REM2: variants seen among roughly 807,000 people sequenced by gnomAD.
REM2 encodes the protein GTP-binding protein REM 2.
A neutral mutation model predicts 24.4 loss-of-function variants in REM2; 24 were observed. That is an observed-to-expected ratio of 0.98 (90% confidence interval 0.71 to 1.38). The LOEUF (loss-of-function observed/expected upper bound fraction) is 1.38. Among genes scored for constraint, REM2 ranks in the 40% most tolerant of loss-of-function variants. REM2 has a pLI of 0.00. For missense variants in REM2, 429 were observed against 467.8 expected, an observed-to-expected ratio of 0.92 and a Z score of 0.77; for synonymous variants, 187 against 198.0, an observed-to-expected ratio of 0.94 and a Z score of 0.47.
At chr14:22,883,740 CG>C (rs2040091429) in intron 1 of REM2, among the ~76,000 whole-genome samples, 1 of 152,086 alleles carries the variant, frequency 6.6e-6, no homozygotes, top group Non-Finnish European at 1.5e-5. Flanking sequence ...GGGGCTACCC[CG>C]GGGAACTATT....
At chr14:22,884,137 G>A in intron 1 of REM2, 1 of 985,158 alleles carries the variant, frequency 1.0e-6, no homozygotes, top group Non-Finnish European at 1.2e-6. Flanking sequence ...AAAAGCAAAG[G>A]CCCTTTCCTA....
At position 22,883,238 on chromosome 14, in the gene REM2, G is replaced by A. The variant is rs761218059; in HGVS notation, c.-50G>A. On this transcript the variant is annotated 5_prime_UTR_variant, in exon 1 of 5. Coordinates refer to ENST00000267396, the MANE Select transcript of REM2 (RefSeq NM_173527.3). Reference sequence around the variant, plus strand: ...AGTGCTGCTGAGTGAGGGAGAGGGTGCTGCGAGCTGCTGGGCTGCACACGC... The same window carrying A: ...AGTGCTGCTGAGTGAGGGAGAGGGTACTGCGAGCTGCTGGGCTGCACACGC... 1 of 963,686 alleles carries A rather than the reference G, an allele frequency of 1.0e-6. No individual in the cohort carries two copies. The highest frequency in any genetic ancestry group is 1.4e-5 in the South Asian group (1 of 72,188). The allele number at this position is 963,686 out of a possible 1,614,324, so 59.7% of individuals were successfully genotyped here.
chr14:22,886,358 G>A lies in REM2; in HGVS notation c.727+127G>A, dbSNP rs1185632040. 3.4e-6 allele frequency: 3 copies of A among 890,280 alleles called. No homozygotes were observed. The highest frequency in any genetic ancestry group is 5.3e-6 in the Non-Finnish European group (3 of 563,776). 55.1% of individuals were successfully genotyped at this position (890,280 alleles called of 1,614,324 possible). A position where few individuals can be genotyped will look rare whatever the true frequency, so the allele number is the denominator to read the frequency against. On this transcript the variant is annotated intron_variant, in intron 4 of 4. Transcript: ENST00000267396. The surrounding 1 kb of genome is among the most constrained non-coding windows in gnomAD (Gnocchi z 5.9). ...TCACTTGCAATCAGACCCAGGCTAG[G>A]GGGACACTCCCAATGCCCCACTCGA... is the stretch of plus-strand genomic sequence containing the variant.
rs1245900424 is a variant in REM2, at chr14:22,887,615, G to A, written c.*706G>A. 6.6e-6 allele frequency: 1 copy of A among 152,214 alleles called. No individual in the cohort carries two copies. Among genetic ancestry groups the A allele is most frequent in the African/African-American group, 2.4e-5 (1 of 41,468 alleles). The allele number at this position is 152,214 out of a possible 1,614,324, so 9.4% of individuals were successfully genotyped here. A position where few individuals can be genotyped will look rare whatever the true frequency, so the allele number is the denominator to read the frequency against. On this transcript the variant is annotated 3_prime_UTR_variant, in exon 5 of 5. Transcript: ENST00000267396. ...GAGCAGTGGCAACCCCTTTTGGCCA[G>A]GGCCAGGGGGGCACCAGCAAGGGGC...
intron 3 of REM2, among the ~76,000 whole-genome samples, chr14:22,885,691 G>T (rs375558215): frequency 6.6e-6 from 1 of 152,150 alleles, no homozygotes; most frequent in African/African-American, 2.4e-5. Flanking sequence ...GAATATCAGG[G>T]AAGGGGGAAA....
chr14:22,884,279 GC>G, intron 1 of REM2: 1 of 985,408 alleles, frequency 1.0e-6, no homozygotes, highest in Non-Finnish European at 1.2e-6. Context: ...AGGAGGAAGG[GC>G]CTCTTGATGG....
intron 1 of REM2, chr14:22,884,361 G>A: frequency 1.0e-6 from 1 of 985,458 alleles, no homozygotes; most frequent in South Asian, 4.7e-5. Context: ...CTGGGGGTTT[G>A]CCTGTGTATC....
In REM2 at chr14:22,887,155, T is replaced by G. The variant is rs1457750640; in HGVS notation, c.*246T>G. ...CGCCTAGAAGGCGAGGACGCAGACC[T>G]GAAGGCGGCCGGTGAGCGGGGCGGG... On this transcript the variant is annotated 3_prime_UTR_variant, in exon 5 of 5. Transcript: ENST00000267396. The G allele has an allele frequency of 7.6e-6, 3 of 394,722 alleles. No individual in the cohort carries two copies. In the Admixed American group the frequency reaches 1.3e-4, roughly 18 times the overall value. The allele number at this position is 394,722 out of a possible 1,614,324, so 24.5% of individuals were successfully genotyped here. A position where few individuals can be genotyped will look rare whatever the true frequency, so the allele number is the denominator to read the frequency against.
At chr14:22,885,071 G>C in intron 2 of REM2, 56 bp downstream of exon 2, 1 of 1,496,218 alleles carries the variant, frequency 6.7e-7, no homozygotes, top group East Asian at 2.3e-5. Flanking sequence ...GGTCAGGGAA[G>C]GAAGTGCTCG....
In REM2 at chr14:22,886,278, T is replaced by A. The variant is rs1014073903; in HGVS notation, c.727+47T>A. ...CATACTTGCGATCTCAGGGGAATGCTCTCCCTTCCAAGTCACCTCTTCTCC... is the reference window on the plus strand; with the variant it reads ...CATACTTGCGATCTCAGGGGAATGCACTCCCTTCCAAGTCACCTCTTCTCC... On this transcript the variant is annotated intron_variant, in intron 4 of 4. Coordinates refer to ENST00000267396, the MANE Select transcript of REM2 (RefSeq NM_173527.3). This position sits in a 1 kb window ranked among gnomAD's most constrained non-coding sequence, Gnocchi z 5.9. 2 of 1,518,422 alleles carry A rather than the reference T, an allele frequency of 1.3e-6. No homozygotes were observed. Among genetic ancestry groups the A allele is most frequent in the Non-Finnish European group, 1.8e-6 (2 of 1,110,688 alleles). 94.1% of individuals were successfully genotyped at this position (1,518,422 alleles called of 1,614,324 possible).
intron 1 of REM2, chr14:22,884,201 TG>T: frequency 1.0e-6 from 1 of 985,396 alleles, no homozygotes; most frequent in Non-Finnish European, 1.2e-6. Flanking sequence ...CCCCAGACAC[TG>T]GGCAGCAGTT....
Position 22,886,801 on chromosome 14 carries a change from C to T in REM2, c.915C>T (p.Arg305=). 1.9e-6 allele frequency: 3 copies of T among 1,549,038 alleles called. No individual in the cohort carries two copies. Among genetic ancestry groups the T allele is most frequent in the South Asian group, 2.4e-5 (2 of 83,914 alleles). ...SPEGPAPPAR[R]ESLTKKAKRF... is the part of the protein sequence containing the mutation. ...AGGGCCCTGCGCCACCTGCACGCCG[C>T]GAGAGCCTCACCAAGAAAGCCAAGA... is the stretch of plus-strand genomic sequence containing the variant. Residue 305 remains arginine, a synonymous_variant, in exon 5 of 5, where the codon CGC becomes CGT. Transcript: ENST00000267396. The surrounding 1 kb of genome is among the most constrained non-coding windows in gnomAD (Gnocchi z 5.9).
chr14:22,883,599 C>T (rs1331323495), intron 1 of REM2, among the ~76,000 whole-genome samples: 1 of 152,114 alleles, frequency 6.6e-6, no homozygotes, highest in African/African-American at 2.4e-5. Context: ...TGCCCCCTCC[C>T]CCAGCACTCC....
At chr14:22,885,915 AGCAGG>A in intron 3 of REM2, 104 bp from the exon 4 acceptor site, 1 of 820,716 alleles carries the variant, frequency 1.2e-6, no homozygotes. Context: ...TGCTGTCCTA[AGCAGG>A]TGGCTTCTTT....
rs965656400 is a variant in REM2, at chr14:22,883,357, C to T, written c.70C>T (p.Arg24Cys). 16 of 1,557,424 alleles carry T rather than the reference C, an allele frequency of 1.0e-5. No individual in the cohort carries two copies. Among genetic ancestry groups the T allele is most frequent in the Middle Eastern group, 1.7e-4 (1 of 6,016 alleles). The change falls in exon 1 of 5, where the codon CGC (arginine) becomes TGC (cysteine). Residue 24 changes from arginine (R) to cysteine (C), a missense_variant. Transcript: ENST00000267396. ...CACAGCACTCTGCCCCTCTGGCAGC[C>T]GCCGGGCCTCCCCTCCAGGGACGCC... Reference protein sequence around the residue: ...ETTALCPSGSRRASPPGTPTP... With the variant: ...ETTALCPSGSCRASPPGTPTP...
chr14:22,884,208 C>G, intron 1 of REM2: 1 of 985,422 alleles, frequency 1.0e-6, no homozygotes, highest in Non-Finnish European at 1.2e-6. Context: ...CACTGGGCAG[C>G]AGTTTCAGCT....
Position 22,884,870 on chromosome 14 carries a change from C to T in REM2, c.300C>T (p.Ser100=). 6.2e-7 allele frequency: 1 copy of T among 1,613,884 alleles called. No individual in the cohort carries two copies. Among genetic ancestry groups the T allele is most frequent in the South Asian group, 1.1e-5 (1 of 91,080 alleles). The change falls in exon 2 of 5, where the codon TCC becomes TCT. Residue 100 remains serine (S), a synonymous_variant. Coordinates refer to ENST00000267396, the MANE Select transcript of REM2 (RefSeq NM_173527.3). ...CCTCATCCTCTGGCTCGTCTGACTCCTTGGGCTCAGGGGAGGCAGCCCCTG... is the reference window on the plus strand; with the variant it reads ...CCTCATCCTCTGGCTCGTCTGACTCTTTGGGCTCAGGGGAGGCAGCCCCTG... The part of the protein sequence containing the change: ...PQASSSGSSD[S]LGSGEAAPAQ...
Position 22,886,960 on chromosome 14 carries a change from T to C in REM2, c.*51T>C. 7.7e-7 allele frequency: 1 copy of C among 1,290,476 alleles called. No individual in the cohort carries two copies. Among genetic ancestry groups the C allele is most frequent in the Non-Finnish European group, 1.0e-6 (1 of 986,974 alleles). The allele number at this position is 1,290,476 out of a possible 1,614,324, so 79.9% of individuals were successfully genotyped here. On this transcript the variant is annotated 3_prime_UTR_variant, in exon 5 of 5. Coordinates refer to ENST00000267396, the MANE Select transcript of REM2 (RefSeq NM_173527.3). This position sits in a 1 kb window ranked among gnomAD's most constrained non-coding sequence, Gnocchi z 5.9. ...TCGCCATGGTCACCGCGCCCTCCGC[T>C]CGCCCCCCCTCGCCCCGCCCCGCCC...
intron 1 of REM2, chr14:22,884,356 G>T (rs2040099841): frequency 3.0e-6 from 3 of 985,338 alleles, no homozygotes; most frequent in Admixed American, 6.1e-5. Flanking sequence ...CTAGTCTGGG[G>T]GTTTGCCTGT....
Sources: gnomAD v4.1 joint callset for allele counts (sites outside exome capture counted in the v4.1 genomes callset) on GRCh38, gnomAD v4.1.1 for gene constraint, Gnocchi (gnomAD v3.1) non-coding constraint, MANE v1.5 for transcripts, NCBI Gene and HGNC (gene_info 2026-07-23, HGNC 2026-07-21) for gene names.